LRMDA: variants seen among roughly 807,000 people sequenced by gnomAD.
The protein encoded by LRMDA is leucine rich melanocyte differentiation associated.
LRMDA carries 18 observed loss-of-function variants against 29.8 expected under a neutral mutation model. The ratio of observed to expected loss-of-function variants is 0.60; its 90% CI spans 0.42 to 0.90. The LOEUF (loss-of-function observed/expected upper bound fraction) is 0.90. Among genes scored for constraint, LRMDA ranks in the 40% least tolerant of loss-of-function variants. LRMDA has a pLI of 0.00. For synonymous variants in LRMDA, 125 were observed against 109.4 expected, an observed-to-expected ratio of 1.14 and a Z score of -0.89; for missense variants, 273 against 273.9, an observed-to-expected ratio of 1.00 and a Z score of 0.02.
At chr10:75,446,331 A>G (rs1029452240) in intron 2 of LRMDA, among the ~76,000 whole-genome samples, 1 of 152,266 alleles carries the variant, frequency 6.6e-6, no homozygotes, top group Non-Finnish European at 1.5e-5. Flanking sequence ...TACCTGGCAT[A>G]TAATGGGTCT....
intron 6 of LRMDA, among the ~76,000 whole-genome samples, chr10:76,393,302 C>T (rs1454387756): frequency 1.3e-5 from 2 of 152,068 alleles, no homozygotes; most frequent in African/African-American, 4.8e-5. Flanking sequence ...TACATGGGTT[C>T]CCTTTTTCCC....
At chr10:76,016,459 C>G (rs1364087731) in intron 2 of LRMDA, among the ~76,000 whole-genome samples, 2 of 151,586 alleles carry the variant, frequency 1.3e-5, no homozygotes, top group African/African-American at 4.9e-5. Flanking sequence ...TCCCTTTTCT[C>G]TATTTTGGCC....
At chr10:75,930,714 A>G (rs748815112) in intron 2 of LRMDA, among the ~76,000 whole-genome samples, 4 of 152,178 alleles carry the variant, frequency 2.6e-5, no homozygotes, top group Non-Finnish European at 5.9e-5. Context: ...TACCTGCTAT[A>G]TATTCTTTGA....
chr10:76,040,501 T>C (rs547838640), intron 3 of LRMDA, among the ~76,000 whole-genome samples: 51 of 152,234 alleles, frequency 3.4e-4, no homozygotes, highest in African/African-American at 1.1e-3. Flanking sequence ...TTTCTTTCTT[T>C]GTTTCATTGA....
At chr10:75,833,904 C>T (rs1267979331) in intron 2 of LRMDA, among the ~76,000 whole-genome samples, 2 of 152,096 alleles carry the variant, frequency 1.3e-5, no homozygotes, top group Non-Finnish European at 2.9e-5. Context: ...TTATACGTGG[C>T]AGGGCAAACT....
At chr10:75,658,377 A>G (rs1489970612) in intron 2 of LRMDA, among the ~76,000 whole-genome samples, 1 of 152,106 alleles carries the variant, frequency 6.6e-6, no homozygotes, top group East Asian at 1.9e-4. Flanking sequence ...CTGAAGGAAA[A>G]TCTTGTAAGA....
At chr10:75,736,915 T>G (rs1254513901) in intron 2 of LRMDA, among the ~76,000 whole-genome samples, 2 of 152,210 alleles carry the variant, frequency 1.3e-5, no homozygotes, top group African/African-American at 4.8e-5. Context: ...ATTTAGCTAT[T>G]TAGCTATTTA....
chr10:76,535,351 G>A (rs574044432), intron 6 of LRMDA, among the ~76,000 whole-genome samples: 1 of 152,268 alleles, frequency 6.6e-6, no homozygotes, highest in African/African-American at 2.4e-5. Flanking sequence ...TTGAGGTGGG[G>A]AGGGACAAAT....
At chr10:76,269,950 A>C (rs1030245154) in intron 5 of LRMDA, among the ~76,000 whole-genome samples, 1 of 152,202 alleles carries the variant, frequency 6.6e-6, no homozygotes, top group Non-Finnish European at 1.5e-5. Flanking sequence ...GGAAGCAGAG[A>C]TCTTGAGATG....
intron 2 of LRMDA, among the ~76,000 whole-genome samples, chr10:75,941,511 T>C (rs1227038320): frequency 6.6e-6 from 1 of 152,182 alleles, no homozygotes; most frequent in Non-Finnish European, 1.5e-5. Flanking sequence ...GCCCAGGGGT[T>C]CTGTCACCGT....
chr10:76,129,278 C>T (rs1017585599), intron 5 of LRMDA, among the ~76,000 whole-genome samples: 50 of 152,206 alleles, frequency 3.3e-4, no homozygotes, highest in African/African-American at 1.1e-3. Flanking sequence ...GGTGCTCCTC[C>T]ATCCTGCAGT....
chr10:75,513,719 C>T (rs919382880), intron 2 of LRMDA, among the ~76,000 whole-genome samples: 2 of 152,250 alleles, frequency 1.3e-5, no homozygotes, highest in East Asian at 3.9e-4. Context: ...CTCCAACCTC[C>T]GTTTCTGATT....
chr10:75,843,393 A>G (rs944693055), intron 2 of LRMDA, among the ~76,000 whole-genome samples: 3 of 152,240 alleles, frequency 2.0e-5, no homozygotes, highest in African/African-American at 7.2e-5. Flanking sequence ...CCTGAAGGAT[A>G]GTCAGGTCAT....
rs1010127207 is a variant in LRMDA, at chr10:75,839,714, T to C, written c.132-196294T>C. ...CATCCGACTTTCTTTTTTTTTTTTT[T>C]TTTTTTTTTTTTGAGACAGAGTCTT... On this transcript the variant is annotated intron_variant, in intron 2 of 6. Transcript: ENST00000611255. Among the ~76,000 whole-genome samples the C allele has an allele frequency of 7.0e-5, 10 of 142,760 alleles. 2 individuals carry two copies. The highest frequency in any genetic ancestry group is 6.8e-4 in the South Asian group (3 of 4,390). 93.7% of individuals were successfully genotyped at this position (142,760 alleles called of 152,430 possible).
intron 2 of LRMDA, among the ~76,000 whole-genome samples, chr10:75,692,217 A>AT (rs1238587055): frequency 5.5e-4 from 28 of 50,592 alleles, no homozygotes; most frequent in African/African-American, 2.5e-3. Context: ...GGAAAAAAAA[A>AT]AAATATATAT....
At chr10:76,396,176 A>G (rs1482760374) in intron 6 of LRMDA, among the ~76,000 whole-genome samples, 2 of 152,214 alleles carry the variant, frequency 1.3e-5, no homozygotes, top group Admixed American at 1.3e-4. Context: ...TTCCTGTGTC[A>G]GATGATACAA....
At chr10:75,829,398 G>T (rs554855058) in intron 2 of LRMDA, among the ~76,000 whole-genome samples, 1 of 152,234 alleles carries the variant, frequency 6.6e-6, no homozygotes, top group East Asian at 1.9e-4. Context: ...TGGGCTGTCT[G>T]TGGCCCTGCA....
chr10:75,794,834 C>A (rs956799523), intron 2 of LRMDA, among the ~76,000 whole-genome samples: 3 of 152,052 alleles, frequency 2.0e-5, no homozygotes, highest in Admixed American at 2.0e-4. Context: ...CATCCTATGT[C>A]TATATTTATT....
intron 5 of LRMDA, among the ~76,000 whole-genome samples, chr10:76,124,708 T>C (rs575342014): frequency 1.8e-4 from 27 of 152,358 alleles, no homozygotes; most frequent in African/African-American, 6.0e-4. Context: ...TTAACAAGGC[T>C]CAGTAGTCTG....
Sources: allele counts gnomAD v4.1 joint callset (sites outside exome capture counted in the v4.1 genomes callset), GRCh38; gene constraint gnomAD v4.1.1; transcripts MANE v1.5; gene names NCBI Gene and HGNC (gene_info 2026-07-23, HGNC 2026-07-21).